The following PCBP3 variants were observed in gnomAD, a reference collection of about 807,000 sequenced individuals.
The protein encoded by PCBP3 is poly(rC) binding protein 3, also known as poly(rC)-binding protein 3.
Under a neutral mutation model 52.7 loss-of-function variants are expected in PCBP3, and 25 were observed. That is an observed-to-expected ratio of 0.47 (90% CI 0.35 to 0.66). The LOEUF is 0.66. Ranked by LOEUF, PCBP3 falls within the 30% of genes least tolerant of loss-of-function variation. The probability of loss-of-function intolerance (pLI) is 0.01; values close to 1 mark genes in which losing one functional copy is unlikely to be tolerated. For missense variants in PCBP3, 391 were observed against 490.3 expected, an observed-to-expected ratio of 0.80 and a Z score of 1.91; for synonymous variants, 162 against 183.0, an observed-to-expected ratio of 0.89 and a Z score of 0.93.
At chr21:45,697,754 CAAAA>C (rs5844246) in intron 2 of PCBP3, among the ~76,000 whole-genome samples, 1 of 131,974 alleles carries the variant, frequency 7.6e-6, no homozygotes, top group Non-Finnish European at 1.6e-5. Context: ...GACCCTGTCT[CAAAA>C]AAAAAAAAAA....
intron 13 of PCBP3, among the ~76,000 whole-genome samples, chr21:45,923,049 G>A (rs1241112527): frequency 3.3e-5 from 5 of 152,284 alleles, no homozygotes; most frequent in Non-Finnish European, 7.3e-5. Flanking sequence ...CATCCCAGCT[G>A]TGCAATCCCC....
rs577206114 is a variant in PCBP3, at chr21:45,783,512, G to A, written c.-126+28060G>A. 3.3e-5 allele frequency among the ~76,000 whole-genome samples: 5 copies of A among 152,328 alleles called. No individual in the cohort carries two copies. The East Asian group carries it at 9.7e-4, about 29-fold the overall frequency. On this transcript the variant is annotated intron_variant, in intron 4 of 17. Coordinates refer to ENST00000681687, the MANE Select transcript of PCBP3 (RefSeq NM_001384156.1). ...AAGAGCTCCTGGAGATAGAACCAGA[G>A]GCCAAAAGAGGAATGGAGAAGGGGG...
At chr21:45,892,350 C>G (rs2095688223) in intron 5 of PCBP3, among the ~76,000 whole-genome samples, 1 of 151,722 alleles carries the variant, frequency 6.6e-6, no homozygotes, top group Non-Finnish European at 1.5e-5. Context: ...CTGCCCCTGG[C>G]ATTGGTTAAT....
intron 4 of PCBP3, among the ~76,000 whole-genome samples, chr21:45,786,106 G>A (rs1402125387): frequency 7.0e-6 from 1 of 142,086 alleles, no homozygotes; most frequent in African/African-American, 2.7e-5. Flanking sequence ...CCCCCTCTGC[G>A]AGAAACACCC....
intron 2 of PCBP3, among the ~76,000 whole-genome samples, chr21:45,699,599 T>C (rs1379172568): frequency 6.6e-6 from 1 of 152,162 alleles, no homozygotes; most frequent in Non-Finnish European, 1.5e-5. Context: ...GAATGGACAA[T>C]TTACAAAAGG....
At chr21:45,762,492 T>C (rs1318949586) in intron 4 of PCBP3, 1 of 77,790 alleles carries the variant, frequency 1.3e-5, no homozygotes, top group Non-Finnish European at 2.9e-5. Context: ...TTTTCTTCTC[T>C]TTTTTTTTTT....
intron 1 of PCBP3, among the ~76,000 whole-genome samples, chr21:45,648,569 A>T (rs2079478770): frequency 6.6e-6 from 1 of 152,200 alleles, no homozygotes; most frequent in African/African-American, 2.4e-5. Context: ...TACCACTGAG[A>T]TTGTGGTGTC....
intron 5 of PCBP3, among the ~76,000 whole-genome samples, chr21:45,855,982 G>C (rs1047662773): frequency 1.3e-5 from 2 of 152,186 alleles, no homozygotes; most frequent in Non-Finnish European, 2.9e-5. Flanking sequence ...TTTTCAATCT[G>C]ACTGTGGCTT....
chr21:45,643,735 C>T lies in PCBP3; in HGVS notation c.-412C>T, dbSNP rs1428934873. On this transcript the variant is annotated 5_prime_UTR_variant, in exon 1 of 18. Coordinates refer to ENST00000681687, the MANE Select transcript of PCBP3 (RefSeq NM_001384156.1). Reference sequence around the variant, plus strand: ...GAAGCCGCGACCGCCGCCTCAGCCGCCTCAGCCGCGGTCGCCGCCGCTTCG... The same window carrying T: ...GAAGCCGCGACCGCCGCCTCAGCCGTCTCAGCCGCGGTCGCCGCCGCTTCG... 1 of 148,636 alleles carries T rather than the reference C, an allele frequency of 6.7e-6. No homozygotes were observed. Among genetic ancestry groups the T allele is most frequent in the Non-Finnish European group, 1.5e-5 (1 of 66,750 alleles). The allele number at this position is 148,636 out of a possible 1,614,324, so 9.2% of individuals were successfully genotyped here.
At chr21:45,709,680 AC>A (rs1334332790) in intron 2 of PCBP3, among the ~76,000 whole-genome samples, 1 of 152,170 alleles carries the variant, frequency 6.6e-6, no homozygotes, top group African/African-American at 2.4e-5. Context: ...TTAACATCTT[AC>A]ATCAGTAAGG....
Position 45,648,664 on chromosome 21 carries a change from G to T in PCBP3, c.-279+4796G>T, listed in dbSNP as rs371458035. Among the ~76,000 whole-genome samples the T allele has an allele frequency of 2.0e-5, 3 of 152,298 alleles. No homozygotes were observed. In the South Asian group the frequency reaches 6.2e-4, roughly 32 times the overall value. ...TTCTTTACATCCTCACTAATCCTTC[G>T]TAGCTTCAGATGTTTTAATTATTGC... On this transcript the variant is annotated intron_variant, in intron 1 of 17. Coordinates refer to ENST00000681687, the MANE Select transcript of PCBP3 (RefSeq NM_001384156.1).
At chr21:45,677,050 A>G (rs2081514193) in intron 2 of PCBP3, among the ~76,000 whole-genome samples, 1 of 152,130 alleles carries the variant, frequency 6.6e-6, no homozygotes, top group African/African-American at 2.4e-5. Flanking sequence ...TGCGTTAGCC[A>G]CTGCGCCTGG....
intron 5 of PCBP3, among the ~76,000 whole-genome samples, chr21:45,882,642 G>A (rs752650031): frequency 3.9e-4 from 59 of 152,014 alleles, no homozygotes; most frequent in Non-Finnish European, 1.5e-4. Context: ...TTTTCTTAGT[G>A]GTTTTGCAGT....
intron 2 of PCBP3, among the ~76,000 whole-genome samples, chr21:45,715,260 G>A (rs1603306759): frequency 6.6e-6 from 1 of 152,132 alleles, no homozygotes; most frequent in Non-Finnish European, 1.5e-5. Context: ...GGTGGTATCT[G>A]CAAGCATTTT....
intron 2 of PCBP3, among the ~76,000 whole-genome samples, chr21:45,693,367 A>G (rs1328615211): frequency 6.6e-6 from 1 of 152,150 alleles, no homozygotes; most frequent in African/African-American, 2.4e-5. Context: ...CATTAATACA[A>G]AATACAGACT....
chr21:45,763,730 T>C (rs1006937495), intron 4 of PCBP3: 1 of 152,338 alleles, frequency 6.6e-6, no homozygotes, highest in South Asian at 2.1e-4. Flanking sequence ...TCGCTGGCGG[T>C]TGGTTTCATC....
Position 45,853,926 on chromosome 21 carries a change from CGGT to C in PCBP3, c.10+3836_10+3838del, listed in dbSNP as rs1375036865. 2 of 152,016 alleles carry C rather than the reference CGGT, an allele frequency of 1.3e-5. No homozygotes were observed. The highest frequency in any genetic ancestry group is 3.9e-4 in the East Asian group (2 of 5,174). 9.4% of individuals were successfully genotyped at this position (152,016 alleles called of 1,614,324 possible). ...CGGGGCAGGAGCCGCTCCCAGGAAG[CGGT>C]GGTGCCGACGTGTCATAAACTGATA... is the stretch of plus-strand genomic sequence containing the variant. On this transcript the variant is annotated intron_variant, in intron 5 of 17. Coordinates refer to ENST00000681687, the MANE Select transcript of PCBP3 (RefSeq NM_001384156.1). This position sits in a 1 kb window ranked among gnomAD's most constrained non-coding sequence, Gnocchi z 4.6.
chr21:45,875,240 C>A (rs1025098818), intron 5 of PCBP3, among the ~76,000 whole-genome samples: 1 of 151,838 alleles, frequency 6.6e-6, no homozygotes, highest in Admixed American at 6.5e-5. Flanking sequence ...CTGGGGGCCC[C>A]TCCGTGCTGC....
chr21:45,650,436 A>G (rs2079604715), intron 1 of PCBP3, among the ~76,000 whole-genome samples: 1 of 152,130 alleles, frequency 6.6e-6, no homozygotes, highest in African/African-American at 2.4e-5. Flanking sequence ...ATGATACTTC[A>G]TCATCTTTGT....
Sources: gnomAD v4.1 joint callset for allele counts (sites outside exome capture counted in the v4.1 genomes callset) on GRCh38, gnomAD v4.1.1 for gene constraint, Gnocchi (gnomAD v3.1) non-coding constraint, MANE v1.5 for transcripts, NCBI Gene and HGNC (gene_info 2026-07-23, HGNC 2026-07-21) for gene names.